The following ANXA10 variants were observed in gnomAD, a reference collection of about 807,000 sequenced individuals.
ANXA10 encodes annexin 14.
Under a neutral mutation model 53.5 loss-of-function variants are expected in ANXA10, and 49 were observed. That is an observed-to-expected ratio of 0.92 (90% CI 0.73 to 1.16). The LOEUF (loss-of-function observed/expected upper bound fraction) is 1.16. Among genes scored for constraint, ANXA10 ranks in the 50% most tolerant of loss-of-function variants. The pLI is 0.00. For synonymous variants in ANXA10, 131 were observed against 128.9 expected (o/e 1.02, Z -0.11); for missense variants, 393 against 394.4 (o/e 1.00, Z 0.03).
intron 1 of ANXA10, among the ~76,000 whole-genome samples, chr4:168,096,358 T>C (rs1017112015): frequency 3.9e-5 from 6 of 152,192 alleles, no homozygotes; most frequent in African/African-American, 1.4e-4. Flanking sequence ...GTCTGAACTT[T>C]ACACACTTTG....
At chr4:168,185,143 G>A (rs1180834131) in intron 11 of ANXA10, among the ~76,000 whole-genome samples, 2 of 151,566 alleles carry the variant, frequency 1.3e-5, no homozygotes, top group Non-Finnish European at 2.9e-5. Context: ...AACAGAGTGA[G>A]ACTCCATCTC....
intron 3 of ANXA10, among the ~76,000 whole-genome samples, chr4:168,159,898 G>A (rs1022789805): frequency 3.9e-5 from 6 of 152,072 alleles, no homozygotes; most frequent in Non-Finnish European, 8.8e-5. Flanking sequence ...TCTTTTACTT[G>A]AATTCCAGTA....
At chr4:168,095,735 G>T (rs1198239239) in intron 1 of ANXA10, among the ~76,000 whole-genome samples, 3 of 151,944 alleles carry the variant, frequency 2.0e-5, no homozygotes, top group African/African-American at 7.3e-5. Context: ...AAATACTAAG[G>T]TTCAGAAAAA....
At chr4:168,144,249 C>T (rs531549935) in intron 3 of ANXA10, among the ~76,000 whole-genome samples, 21 of 152,222 alleles carry the variant, frequency 1.4e-4, no homozygotes, top group African/African-American at 3.6e-4. Flanking sequence ...TGCACTGCCG[C>T]GCTCTCAGCT....
chr4:168,138,558 A>T (rs1731277114), intron 2 of ANXA10, among the ~76,000 whole-genome samples: 1 of 152,066 alleles, frequency 6.6e-6, no homozygotes, highest in Admixed American at 6.5e-5. Flanking sequence ...TTTGTGTAAG[A>T]TTGCGTTGGC....
chr4:168,183,358 A>G (rs1165158473), intron 10 of ANXA10, among the ~76,000 whole-genome samples: 1 of 152,240 alleles, frequency 6.6e-6, no homozygotes, highest in African/African-American at 2.4e-5. Context: ...TAGGAGAAAC[A>G]GTTGATTTGG....
chr4:168,115,289 C>T (rs972238487), intron 1 of ANXA10, among the ~76,000 whole-genome samples: 18 of 152,130 alleles, frequency 1.2e-4, no homozygotes, highest in Non-Finnish European at 2.4e-4. Flanking sequence ...TACCTTCACT[C>T]CCCCAAAATA....
chr4:168,107,107 C>T (rs2149465477), intron 1 of ANXA10, among the ~76,000 whole-genome samples: 1 of 152,164 alleles, frequency 6.6e-6, no homozygotes, highest in Non-Finnish European at 1.5e-5. Flanking sequence ...GTAAAATTAT[C>T]ACATTAGAAT....
chr4:168,129,852 A>G (rs1265036513), intron 2 of ANXA10, among the ~76,000 whole-genome samples: 1 of 152,146 alleles, frequency 6.6e-6, no homozygotes, highest in Non-Finnish European at 1.5e-5. Flanking sequence ...ATTTATCACC[A>G]CTTGAAGATA....
At chr4:168,125,818 G>A (rs1731058119) in intron 1 of ANXA10, among the ~76,000 whole-genome samples, 1 of 152,060 alleles carries the variant, frequency 6.6e-6, no homozygotes, top group Non-Finnish European at 1.5e-5. Context: ...AGTATAGTAA[G>A]TTTATGTGGC....
Position 168,140,977 on chromosome 4 carries a change from C to G in ANXA10, c.195+1397C>G, listed in dbSNP as rs1731316542. Among the ~76,000 whole-genome samples the G allele has an allele frequency of 1.3e-5, 2 of 152,098 alleles. 1 individual carries two copies. Among genetic ancestry groups the G allele is most frequent in the Admixed American group, 1.3e-4 (2 of 15,258 alleles). ...ACCCAAAGGTTTACATACATTTTTG[C>G]TTTTTACAAATCAGGTTAAATTTAG... On this transcript the variant is annotated intron_variant, in intron 3 of 11. Coordinates refer to ENST00000359299, the MANE Select transcript of ANXA10 (RefSeq NM_007193.5).
In ANXA10 at chr4:168,187,634, T is replaced by A. The variant is rs1041341090; in HGVS notation, c.*200T>A. On this transcript the variant is annotated 3_prime_UTR_variant, in exon 12 of 12. Transcript: ENST00000359299. ...ACTGAATTTGCCTACTATCCTGAAT[T>A]TGCCTACTATCTAATCAGCAATTAA... 1 of 377,886 alleles carries A rather than the reference T, an allele frequency of 2.6e-6. No individual in the cohort carries two copies. The highest frequency in any genetic ancestry group is 2.1e-5 in the African/African-American group (1 of 47,660). 23.4% of individuals were successfully genotyped at this position (377,886 alleles called of 1,614,324 possible).
chr4:168,146,607 G>T (rs1731410785), intron 3 of ANXA10, among the ~76,000 whole-genome samples: 1 of 152,164 alleles, frequency 6.6e-6, no homozygotes, highest in African/African-American at 2.4e-5. Flanking sequence ...GTCTGATGAT[G>T]AATACAGGTA....
chr4:168,162,107 T>C (rs1731794059), intron 3 of ANXA10, among the ~76,000 whole-genome samples: 1 of 152,186 alleles, frequency 6.6e-6, no homozygotes, highest in Non-Finnish European at 1.5e-5. Context: ...GGACTTCTGC[T>C]AAAAGAGACT....
Position 168,114,265 on chromosome 4 carries a change from A to C in ANXA10, c.19-13819A>C, listed in dbSNP as rs146785079. On this transcript the variant is annotated intron_variant, in intron 1 of 11. Transcript: ENST00000359299. ...TCTGCTATCTTCCAGATGTGTGTCTATACATATATTTTATTTATTTATTTT... is the reference window on the plus strand; with the variant it reads ...TCTGCTATCTTCCAGATGTGTGTCTCTACATATATTTTATTTATTTATTTT... Among the ~76,000 whole-genome samples, 667 of 151,800 alleles carry C rather than the reference A, an allele frequency of 4.4e-3. 8 individuals are homozygous for C. Among genetic ancestry groups the C allele is most frequent in the African/African-American group, 0.015 (635 of 41,322 alleles).
At chr4:168,154,004 GCA>G (rs1341181185) in intron 3 of ANXA10, among the ~76,000 whole-genome samples, 11 of 139,038 alleles carry the variant, frequency 7.9e-5, no homozygotes, top group African/African-American at 1.1e-4. Context: ...ACACACACAC[GCA>G]CACACGCGCG....
At chr4:168,165,732 A>T (rs1207359740) in intron 6 of ANXA10, among the ~76,000 whole-genome samples, 1 of 152,058 alleles carries the variant, frequency 6.6e-6, no homozygotes, top group Non-Finnish European at 1.5e-5. Flanking sequence ...GCTGGAGTGC[A>T]GTGGCATGAT....
chr4:168,183,980 A>C (rs963499037), intron 10 of ANXA10, among the ~76,000 whole-genome samples: 2 of 152,244 alleles, frequency 1.3e-5, no homozygotes, highest in African/African-American at 4.8e-5. Flanking sequence ...TAGCATACAG[A>C]CATTGATTTT....
intron 1 of ANXA10, among the ~76,000 whole-genome samples, chr4:168,125,659 G>A (rs1346178391): frequency 1.3e-5 from 2 of 152,066 alleles, no homozygotes; most frequent in African/African-American, 4.8e-5. Context: ...TCAACTTCAC[G>A]TGCAAAACAA....
Sources: allele counts gnomAD v4.1 joint callset (sites outside exome capture counted in the v4.1 genomes callset), GRCh38; gene constraint gnomAD v4.1.1; transcripts MANE v1.5; gene names NCBI Gene and HGNC (gene_info 2026-07-23, HGNC 2026-07-21).